Variants in TNR observed in about 807,000 individuals in gnomAD.
TNR encodes the protein tenascin R.
Under a neutral mutation model 150.4 loss-of-function variants are expected in TNR, and 45 were observed. The observed-to-expected ratio is 0.30, with a 90% CI of 0.24 to 0.38. The LOEUF is 0.38. Among genes scored for constraint, TNR ranks in the 10% least tolerant of loss-of-function variants. TNR has a pLI of 1.00. For synonymous variants in TNR, 687 were observed against 678.4 expected (o/e 1.01, Z -0.20); for missense variants, 1,544 against 1,759.1 (o/e 0.88, Z 2.19).
chr1:175,471,410 G>A (rs890473761), intron 2 of TNR, among the ~76,000 whole-genome samples: 4 of 152,176 alleles, frequency 2.6e-5, no homozygotes, highest in African/African-American at 4.8e-5. Context: ...AAACCTAGGT[G>A]GTAGAGCCTA....
At chr1:175,388,865 C>T (rs1317252691) in intron 7 of TNR, among the ~76,000 whole-genome samples, 2 of 152,124 alleles carry the variant, frequency 1.3e-5, no homozygotes, top group Admixed American at 6.5e-5. Flanking sequence ...AACTGCCAAA[C>T]CAAAAAATAC....
chr1:175,485,802 G>A (rs1397100417), intron 2 of TNR, among the ~76,000 whole-genome samples: 10 of 152,178 alleles, frequency 6.6e-5, no homozygotes, highest in Non-Finnish European at 8.8e-5. Context: ...CAATGGCTCA[G>A]ACTAAATAAT....
rs1648867451 is a variant in TNR, at chr1:175,317,041, T to C, written c.*6316A>G. On this transcript the variant is annotated 3_prime_UTR_variant, in exon 23 of 23. Transcript: ENST00000367674. The stretch of plus-strand genomic sequence containing the variant: ...AGGTTCAGATTATGGCTCTATTTAG[T>C]AGCTGTGTGACTTTGAGCATGTTAC... The C allele has an allele frequency of 1.3e-5, 2 of 152,360 alleles. No homozygotes were observed. Among genetic ancestry groups the C allele is most frequent in the South Asian group, 2.1e-4 (1 of 4,830 alleles). 9.4% of individuals were successfully genotyped at this position (152,360 alleles called of 1,614,324 possible).
intron 1 of TNR, among the ~76,000 whole-genome samples, chr1:175,549,131 C>T (rs1344802303): frequency 1.3e-5 from 2 of 152,190 alleles, no homozygotes; most frequent in African/African-American, 4.8e-5. Flanking sequence ...GGCCCCCAGG[C>T]CCCTGATAGG....
chr1:175,697,345 G>A (rs547937570), intron 1 of TNR, among the ~76,000 whole-genome samples: 7 of 111,132 alleles, frequency 6.3e-5, no homozygotes, highest in East Asian at 5.8e-4. Flanking sequence ...TCCTTTCTAC[G>A]TCTTTTTTTT....
intron 1 of TNR, among the ~76,000 whole-genome samples, chr1:175,571,603 C>T (rs192328471): frequency 1.5e-4 from 23 of 152,328 alleles, no homozygotes; most frequent in African/African-American, 4.1e-4. Flanking sequence ...CTCTCCTATC[C>T]GCCCTGAAAA....
intron 1 of TNR, among the ~76,000 whole-genome samples, chr1:175,676,678 TTTCTC>T (rs1420638038): frequency 6.6e-6 from 1 of 152,216 alleles, no homozygotes; most frequent in Non-Finnish European, 1.5e-5. Context: ...AAAAATCCTA[TTTCTC>T]CCTTCCTTCT....
At chr1:175,390,200 T>C (rs764880018) in intron 7 of TNR, among the ~76,000 whole-genome samples, 22 of 152,224 alleles carry the variant, frequency 1.4e-4, no homozygotes, top group Non-Finnish European at 2.8e-4. Context: ...TTGGATTCAG[T>C]AGCAGAGCAT....
At chr1:175,648,969 A>G (rs2101886893) in intron 1 of TNR, among the ~76,000 whole-genome samples, 1 of 152,198 alleles carries the variant, frequency 6.6e-6, no homozygotes, top group African/African-American at 2.4e-5. Context: ...TCAGGCCTGG[A>G]CTACCTCAGC....
chr1:175,590,517 T>C (rs1662756647), intron 1 of TNR, among the ~76,000 whole-genome samples: 1 of 152,204 alleles, frequency 6.6e-6, no homozygotes, highest in Non-Finnish European at 1.5e-5. Flanking sequence ...ACATGTCTAT[T>C]CTCAAGGAGT....
At chr1:175,525,502 A>G (rs928117873) in intron 2 of TNR, among the ~76,000 whole-genome samples, 1 of 152,232 alleles carries the variant, frequency 6.6e-6, no homozygotes, top group East Asian at 1.9e-4. Context: ...TTCTGATCAA[A>G]GCCATAGTTT....
chr1:175,616,324 G>A (rs141451075), intron 1 of TNR, among the ~76,000 whole-genome samples: 7 of 152,282 alleles, frequency 4.6e-5, no homozygotes, highest in African/African-American at 7.2e-5. Context: ...TGGCATGCAG[G>A]CATTACAGCC....
At chr1:175,430,004 A>T (rs981721125) in intron 2 of TNR, among the ~76,000 whole-genome samples, 3 of 151,504 alleles carry the variant, frequency 2.0e-5, no homozygotes, top group Non-Finnish European at 4.4e-5. Context: ...TGGAATATGT[A>T]TGTGAGATAC....
At chr1:175,592,338 C>T (rs1311445279) in intron 1 of TNR, among the ~76,000 whole-genome samples, 2 of 152,202 alleles carry the variant, frequency 1.3e-5, no homozygotes, top group African/African-American at 2.4e-5. Flanking sequence ...GCCAGTGTTC[C>T]CTTCACCAGT....
chr1:175,704,841 G>A (rs761098517), intron 1 of TNR, among the ~76,000 whole-genome samples: 1 of 152,192 alleles, frequency 6.6e-6, no homozygotes, highest in Non-Finnish European at 1.5e-5. Flanking sequence ...GATGATGTGT[G>A]CCTTCACAGA....
chr1:175,426,081 C>A lies in TNR; in HGVS notation c.-63-19304G>T, dbSNP rs749525389. On this transcript the variant is annotated intron_variant, in intron 2 of 22. Coordinates refer to ENST00000367674, the MANE Select transcript of TNR (RefSeq NM_003285.3). ...CTGCTAGAGGAAGCTGTAACAGGAG[C>A]CTGCTGAGGTCAGGGAGACTCAGCC... 2.0e-4 allele frequency among the ~76,000 whole-genome samples: 31 copies of A among 152,174 alleles called. 2 individuals carry two copies. Among genetic ancestry groups the A allele is most frequent in the African/African-American group, 4.8e-5 (2 of 41,436 alleles).
Position 175,731,706 on chromosome 1 carries a change from C to T in TNR, c.-165+11520G>A, listed in dbSNP as rs558237509. 2.6e-5 allele frequency among the ~76,000 whole-genome samples: 4 copies of T among 152,310 alleles called. No individual in the cohort carries two copies. The East Asian group carries it at 7.7e-4, about 29-fold the overall frequency. ...CCAGATCTCACGCTTACCCTGCATC[C>T]TGCTGCCTGTGGGTAGTTGTTCCAA... On this transcript the variant is annotated intron_variant, in intron 1 of 22. Transcript: ENST00000367674.
Position 175,379,586 on chromosome 1 carries a change from C to T in TNR, c.1929G>A (p.Arg643=). The change falls in exon 9 of 23, where the codon AGG becomes AGA. Residue 643 remains arginine, a synonymous_variant. Transcript: ENST00000367674. ...GEQYHEVLVP[R]GIGPTTRATL... Reference sequence around the variant, plus strand: ...TGGCCCTGGTGGTTGGACCAATGCCCCTGGGGACCAGTACCTCATGATATT... The same window carrying T: ...TGGCCCTGGTGGTTGGACCAATGCCTCTGGGGACCAGTACCTCATGATATT... 1.2e-6 allele frequency: 2 copies of T among 1,613,874 alleles called. No homozygotes were observed. The highest frequency in any genetic ancestry group is 1.1e-5 in the South Asian group (1 of 91,048).
chr1:175,596,123 A>G (rs1662995905), intron 1 of TNR, among the ~76,000 whole-genome samples: 1 of 152,254 alleles, frequency 6.6e-6, no homozygotes, highest in African/African-American at 2.4e-5. Context: ...CCCATGGCTT[A>G]GATCTTTGGT....
Sources: gnomAD v4.1 joint callset for allele counts (sites outside exome capture counted in the v4.1 genomes callset) on GRCh38, gnomAD v4.1.1 for gene constraint, MANE v1.5 for transcripts, NCBI Gene and HGNC (gene_info 2026-07-23, HGNC 2026-07-21) for gene names.